The following DNER variants were observed in gnomAD, a reference collection of about 807,000 sequenced individuals.
The protein encoded by DNER is delta and Notch-like epidermal growth factor-related receptor.
In DNER, 33 loss-of-function variants were observed where a neutral mutation model predicts 78.2. The observed-to-expected ratio is 0.42, with a 90% CI of 0.32 to 0.56. DNER has a LOEUF of 0.56. Ranked by LOEUF, DNER falls within the 20% of genes least tolerant of loss-of-function variation. The probability of loss-of-function intolerance (pLI) is 0.11; values close to 1 mark genes in which losing one functional copy is unlikely to be tolerated. For missense variants in DNER, 918 were observed against 975.3 expected (o/e 0.94, Z 0.78); for synonymous variants, 417 against 384.8 (o/e 1.08, Z -0.98).
chr2:229,677,624 A>G (rs1427517022), intron 1 of DNER, among the ~76,000 whole-genome samples: 1 of 152,200 alleles, frequency 6.6e-6, no homozygotes, highest in African/African-American at 2.4e-5. Flanking sequence ...GGGTGATTAC[A>G]ATGAATTTTT....
Position 229,629,810 on chromosome 2 carries a change from A to G in DNER, c.277-37922T>C, listed in dbSNP as rs377442099. On this transcript the variant is annotated intron_variant, in intron 1 of 12. Coordinates refer to ENST00000341772, the MANE Select transcript of DNER (RefSeq NM_139072.4). ...CCCTCTGTGACCGCATCTGTAGGTG[A>G]CTTTATCTTTGATAGATGGATCTTT... 2.6e-5 allele frequency among the ~76,000 whole-genome samples: 4 copies of G among 152,316 alleles called. No homozygotes were observed. The East Asian group carries it at 7.7e-4, about 29-fold the overall frequency.
At chr2:229,647,014 A>G (rs1465128268) in intron 1 of DNER, among the ~76,000 whole-genome samples, 1 of 152,190 alleles carries the variant, frequency 6.6e-6, no homozygotes. Context: ...TAAAAATGCA[A>G]AACTTAGCTG....
intron 1 of DNER, among the ~76,000 whole-genome samples, chr2:229,708,854 A>T (rs1699867675): frequency 6.6e-6 from 1 of 152,234 alleles, no homozygotes; most frequent in Admixed American, 6.5e-5. Flanking sequence ...TGCTTTAATA[A>T]CACCAAGAAA....
intron 6 of DNER, among the ~76,000 whole-genome samples, chr2:229,480,549 G>A (rs532630966): frequency 5.9e-4 from 90 of 152,258 alleles, no homozygotes; most frequent in Admixed American, 1.1e-3. Flanking sequence ...ATAAGTGAGG[G>A]TGAATCTTCA....
chr2:229,601,737 G>A (rs935031545), intron 1 of DNER, among the ~76,000 whole-genome samples: 1 of 152,082 alleles, frequency 6.6e-6, no homozygotes, highest in Non-Finnish European at 1.5e-5. Flanking sequence ...ACTTTTTCAT[G>A]CTGTCTCTTT....
At chr2:229,695,648 G>T (rs544726450) in intron 1 of DNER, among the ~76,000 whole-genome samples, 1 of 152,284 alleles carries the variant, frequency 6.6e-6, no homozygotes, top group African/African-American at 2.4e-5. Flanking sequence ...CATTGCTGTT[G>T]TAATCAGTAC....
At chr2:229,650,625 A>C in intron 1 of DNER, among the ~76,000 whole-genome samples, 1 of 151,152 alleles carries the variant, frequency 6.6e-6, no homozygotes, top group South Asian at 2.1e-4. Flanking sequence ...AACGACCACC[A>C]CCCCAAGGGC....
At chr2:229,655,571 A>G (rs1698899063) in intron 1 of DNER, among the ~76,000 whole-genome samples, 1 of 152,214 alleles carries the variant, frequency 6.6e-6, no homozygotes, top group South Asian at 2.1e-4. Flanking sequence ...CTTCATTTAA[A>G]AAGAACTTGG....
rs867288580 is a variant in DNER, at chr2:229,714,414, G to A, written c.10C>T (p.Arg4Cys). ...TGCGCACCGGGCGCCTGGGCGCGGC[G>A]GGGCTGCATGGCCGGCCGGGAGGGC... MQP[R>C]RAQAPGAQLL... The change falls in exon 1 of 13, where the codon CGC becomes TGC. Residue 4 changes from arginine to cysteine, a missense_variant. Physicochemically the swap from Arg to Cys is radical, Grantham distance 180. Coordinates refer to ENST00000341772, the MANE Select transcript of DNER (RefSeq NM_139072.4). The A allele has an allele frequency of 8.7e-6, 10 of 1,154,440 alleles. No homozygotes were observed. The highest frequency in any genetic ancestry group is 4.9e-5 in the African/African-American group (3 of 61,168). 71.5% of individuals were successfully genotyped at this position (1,154,440 alleles called of 1,614,324 possible).
intron 4 of DNER, among the ~76,000 whole-genome samples, chr2:229,574,502 A>G (rs1449811164): frequency 6.6e-6 from 1 of 152,184 alleles, no homozygotes; most frequent in African/African-American, 2.4e-5. Flanking sequence ...CAGACAGTAA[A>G]TGAATGTATT....
chr2:229,690,107 C>T (rs533887749), intron 1 of DNER, among the ~76,000 whole-genome samples: 5 of 152,316 alleles, frequency 3.3e-5, no homozygotes, highest in South Asian at 2.1e-4. Flanking sequence ...AGTCCGCAGG[C>T]GTAGCTGCCC....
rs188210983 is a variant in DNER, at chr2:229,667,009, C to A, written c.276+47139G>T. Among the ~76,000 whole-genome samples the A allele has an allele frequency of 1.5e-4, 23 of 152,344 alleles. No homozygotes were observed. In the East Asian group the frequency reaches 4.2e-3, roughly 28 times the overall value. Reference sequence around the variant, plus strand: ...TTTGGGCAGGAAAATAAAAGAGTCACCCCGGCAGAGGGCCACCTGGCATCG... The same window carrying A: ...TTTGGGCAGGAAAATAAAAGAGTCAACCCGGCAGAGGGCCACCTGGCATCG... On this transcript the variant is annotated intron_variant, in intron 1 of 12. Coordinates refer to ENST00000341772, the MANE Select transcript of DNER (RefSeq NM_139072.4).
Position 229,418,196 on chromosome 2 carries a change from A to G in DNER, c.1521T>C (p.Asn507=), listed in dbSNP as rs1693691083. Residue 507 remains asparagine, a synonymous_variant, in exon 9 of 13, where the codon AAT becomes AAC. Coordinates refer to ENST00000341772, the MANE Select transcript of DNER (RefSeq NM_139072.4). The part of the protein sequence containing the change: ...YHGLYCEEEY[N]ECLSAPCLNA... ...TCAGGCATGGAGCGGAGAGGCACTCATTATATTCCTCCTCACAGTAGAGGC... is the reference window on the plus strand; with the variant it reads ...TCAGGCATGGAGCGGAGAGGCACTCGTTATATTCCTCCTCACAGTAGAGGC... The G allele has an allele frequency of 6.2e-7, 1 of 1,614,006 alleles. No homozygotes were observed. Among genetic ancestry groups the G allele is most frequent in the Admixed American group, 1.7e-5 (1 of 60,002 alleles).
At chr2:229,440,859 C>A (rs776129277) in intron 8 of DNER, among the ~76,000 whole-genome samples, 1 of 152,212 alleles carries the variant, frequency 6.6e-6, no homozygotes, top group Non-Finnish European at 1.5e-5. Context: ...AACGTTTAAC[C>A]CATCCTTTCA....
Position 229,591,765 on chromosome 2 carries a change from G to C in DNER, c.400C>G (p.Gln134Glu). ...GTGGCTGGGAGACTGGGAAGTGCCT[G>C]TTCACAGTTGGGACCTTCATAGCCT... ...NEGYEGPNCE[Q>E]ALPSLPATGW... Residue 134 changes from glutamine (Q) to glutamate (E), a missense_variant, in exon 2 of 13, where the codon CAG becomes GAG. Physicochemically the swap from Gln to Glu is conservative, Grantham distance 29 (BLOSUM62 2). Coordinates refer to ENST00000341772, the MANE Select transcript of DNER (RefSeq NM_139072.4). The surrounding 1 kb of genome is among the most constrained non-coding windows in gnomAD (Gnocchi z 4.6). The C allele has an allele frequency of 6.2e-7, 1 of 1,614,192 alleles. No individual in the cohort carries two copies. Among genetic ancestry groups the C allele is most frequent in the Non-Finnish European group, 8.5e-7 (1 of 1,180,028 alleles).
At chr2:229,534,795 AGTTTATTGG>A (rs1219347470) in intron 5 of DNER, among the ~76,000 whole-genome samples, 1 of 152,130 alleles carries the variant, frequency 6.6e-6, no homozygotes, top group Admixed American at 6.5e-5. Context: ...ACAGGTGATG[AGTTTATTGG>A]GTTTACTAAT....
chr2:229,584,460 C>G (rs1474239246), intron 4 of DNER, among the ~76,000 whole-genome samples: 1 of 152,120 alleles, frequency 6.6e-6, no homozygotes, highest in African/African-American at 2.4e-5. Context: ...ACCAGAGTTC[C>G]AAGTTCCAAC....
intron 12 of DNER, among the ~76,000 whole-genome samples, chr2:229,361,968 C>T (rs1321219636): frequency 6.6e-6 from 1 of 152,112 alleles, no homozygotes; most frequent in Non-Finnish European, 1.5e-5. Flanking sequence ...TGAAGTAGCT[C>T]ATGGCCCACG....
chr2:229,554,857 AAAGAGAAGAGAAGAGAAGAG>A (rs869140188), intron 4 of DNER, among the ~76,000 whole-genome samples: 1,334 of 51,182 alleles, frequency 0.026, 106 homozygotes, highest in East Asian at 0.043. Context: ...CCTGAAAGGA[AAAGAGAAGAGAAGAGAAGAG>A]AAGAGAAGAG....
Sources: gnomAD v4.1 joint callset for allele counts (sites outside exome capture counted in the v4.1 genomes callset) on GRCh38, gnomAD v4.1.1 for gene constraint, Gnocchi (gnomAD v3.1) non-coding constraint, MANE v1.5 for transcripts, NCBI Gene and HGNC (gene_info 2026-07-23, HGNC 2026-07-21) for gene names.